SYNPO2: variants seen among roughly 807,000 people sequenced by gnomAD.
SYNPO2 encodes synaptopodin-2.
A neutral mutation model predicts 85.0 loss-of-function variants in SYNPO2; 56 were observed. The ratio of observed to expected loss-of-function variants is 0.66; its 90% CI spans 0.53 to 0.82. The LOEUF (loss-of-function observed/expected upper bound fraction) is 0.82. Ranked by LOEUF, SYNPO2 falls within the 40% of genes least tolerant of loss-of-function variation. The pLI is 0.00. For missense variants in SYNPO2, 1,575 were observed against 1,534.2 expected, an observed-to-expected ratio of 1.03 and a Z score of -0.44; for synonymous variants, 602 against 591.1, an observed-to-expected ratio of 1.02 and a Z score of -0.27.
chr4:118,911,400 C>T (rs186204423), intron 1 of SYNPO2, among the ~76,000 whole-genome samples: 4 of 152,258 alleles, frequency 2.6e-5, no homozygotes, highest in African/African-American at 4.8e-5. Flanking sequence ...TCCAGATGTA[C>T]GTCTGAGATT....
intron 4 of SYNPO2, among the ~76,000 whole-genome samples, chr4:119,040,704 C>A (rs1738681807): frequency 6.6e-6 from 1 of 152,282 alleles, no homozygotes; most frequent in Non-Finnish European, 1.5e-5. Context: ...TAGTTGGTAT[C>A]CTGAGTAACC....
chr4:119,002,190 T>C (rs1736844674), intron 1 of SYNPO2, among the ~76,000 whole-genome samples: 1 of 152,222 alleles, frequency 6.6e-6, no homozygotes, highest in African/African-American at 2.4e-5. Flanking sequence ...TATTTGTCAT[T>C]AGTTCATCCC....
At chr4:118,944,539 CACTG>C (rs1282161967) in intron 1 of SYNPO2, among the ~76,000 whole-genome samples, 5 of 152,166 alleles carry the variant, frequency 3.3e-5, no homozygotes, top group African/African-American at 1.2e-4. Context: ...CTAAGCCACT[CACTG>C]ACTGTTAACG....
chr4:118,854,558 G>A (rs1354728154), intron 1 of SYNPO2, among the ~76,000 whole-genome samples: 1 of 152,084 alleles, frequency 6.6e-6, no homozygotes, highest in Non-Finnish European at 1.5e-5. Flanking sequence ...TAAAGCCATT[G>A]TAAATTTACT....
intron 1 of SYNPO2, among the ~76,000 whole-genome samples, chr4:118,916,157 A>C (rs1733311606): frequency 6.6e-6 from 1 of 150,624 alleles, no homozygotes; most frequent in Admixed American, 6.6e-5. Flanking sequence ...TTAATATGTC[A>C]AACTTAGGGT....
chr4:118,932,059 A>T (rs1050538847), intron 1 of SYNPO2, among the ~76,000 whole-genome samples: 2 of 152,182 alleles, frequency 1.3e-5, no homozygotes, highest in Non-Finnish European at 2.9e-5. Flanking sequence ...GCTATAAGTA[A>T]GCCATTGGAT....
intron 1 of SYNPO2, among the ~76,000 whole-genome samples, chr4:118,936,966 CA>C (rs777271223): frequency 9.9e-5 from 15 of 152,096 alleles, no homozygotes; most frequent in Non-Finnish European, 1.8e-4. Flanking sequence ...ACTTCACATA[CA>C]CTCTCTTTCT....
At chr4:118,992,648 A>G (rs943992845) in intron 1 of SYNPO2, among the ~76,000 whole-genome samples, 2 of 152,194 alleles carry the variant, frequency 1.3e-5, no homozygotes, top group Admixed American at 6.5e-5. Context: ...TGTTATAGGC[A>G]GTAAGTTAGG....
At chr4:119,025,334 TC>T (rs1737894118) in intron 2 of SYNPO2, among the ~76,000 whole-genome samples, 1 of 152,242 alleles carries the variant, frequency 6.6e-6, no homozygotes, top group Non-Finnish European at 1.5e-5. Flanking sequence ...TTTAACATTT[TC>T]TACATAATAA....
intron 1 of SYNPO2, among the ~76,000 whole-genome samples, chr4:118,983,264 C>T (rs1736097315): frequency 6.6e-6 from 1 of 152,130 alleles, no homozygotes; most frequent in Non-Finnish European, 1.5e-5. Context: ...TCAACCTTTT[C>T]CTCTGTACTT....
chr4:119,046,913 T>G (rs1738887964), intron 4 of SYNPO2, among the ~76,000 whole-genome samples: 1 of 152,234 alleles, frequency 6.6e-6, no homozygotes, highest in South Asian at 2.1e-4. Context: ...TTTAAAAGTC[T>G]GTTGTTTTGG....
chr4:118,929,426 T>C (rs921042251), intron 1 of SYNPO2, among the ~76,000 whole-genome samples: 1 of 152,082 alleles, frequency 6.6e-6, no homozygotes, highest in African/African-American at 2.4e-5. Context: ...ATATAGCCTC[T>C]CAAAGTTTTA....
At chr4:118,981,433 C>T (rs148784894) in intron 1 of SYNPO2, among the ~76,000 whole-genome samples, 59 of 152,276 alleles carry the variant, frequency 3.9e-4, no homozygotes, top group African/African-American at 1.3e-3. Context: ...AGGGTAGCCA[C>T]GTCAATGTCA....
chr4:118,901,571 T>C (rs1732757583), intron 1 of SYNPO2, among the ~76,000 whole-genome samples: 1 of 152,252 alleles, frequency 6.6e-6, no homozygotes, highest in Non-Finnish European at 1.5e-5. Context: ...GTGCTTGAAA[T>C]GTGTTATCTT....
chr4:119,012,091 T>C (rs1272661690), intron 1 of SYNPO2, among the ~76,000 whole-genome samples: 1 of 152,052 alleles, frequency 6.6e-6, no homozygotes, highest in South Asian at 2.1e-4. Context: ...TCTGGCTAAT[T>C]TTTGTATTTT....
chr4:119,036,069 A>C, intron 4 of SYNPO2: 2 of 985,390 alleles, frequency 2.0e-6, no homozygotes, highest in African/African-American at 3.5e-5. Context: ...CATTTCATCC[A>C]GTTATAAACT....
Position 119,006,801 on chromosome 4 carries a change from G to A in SYNPO2, c.106-16629G>A, listed in dbSNP as rs556119158. Among the ~76,000 whole-genome samples the A allele has an allele frequency of 6.6e-5, 10 of 152,138 alleles. No homozygotes were observed. In the South Asian group the frequency reaches 2.1e-3, roughly 32 times the overall value. ...GTTGAGAGCAAGGATGATCTGTATA[G>A]CCAGGGTATTGCAACATGCTGACAT... On this transcript the variant is annotated intron_variant, in intron 1 of 4. Transcript: ENST00000307142.
chr4:119,023,889 G>A (rs986467806), intron 2 of SYNPO2, among the ~76,000 whole-genome samples: 3 of 152,124 alleles, frequency 2.0e-5, no homozygotes, highest in Non-Finnish European at 2.9e-5. Flanking sequence ...TCTTTGATAG[G>A]TCAAGATTTT....
At chr4:119,046,132 TG>T (rs1738861555) in intron 4 of SYNPO2, among the ~76,000 whole-genome samples, 1 of 152,144 alleles carries the variant, frequency 6.6e-6, no homozygotes, top group Non-Finnish European at 1.5e-5. Context: ...GAGGATTAAT[TG>T]AGGTAACAAA....
Sources: allele counts gnomAD v4.1 joint callset (sites outside exome capture counted in the v4.1 genomes callset), GRCh38; gene constraint gnomAD v4.1.1; transcripts MANE v1.5; gene names NCBI Gene and HGNC (gene_info 2026-07-23, HGNC 2026-07-21).